Variants in JAM3 observed in about 807,000 individuals in gnomAD.
JAM3 encodes the protein junctional adhesion molecule C.
JAM3 carries 31 observed loss-of-function variants against 39.4 expected under a neutral mutation model. The observed-to-expected ratio is 0.79, with a 90% CI of 0.59 to 1.06. The LOEUF (loss-of-function observed/expected upper bound fraction) is 1.06. Ranked by LOEUF, JAM3 falls within the 50% of genes least tolerant of loss-of-function variation. JAM3 has a pLI of 0.00. For missense variants in JAM3, 455 were observed against 391.4 expected (o/e 1.16, Z -1.37); for synonymous variants, 182 against 148.7 (o/e 1.22, Z -1.63).
intron 6 of JAM3, among the ~76,000 whole-genome samples, chr11:134,147,646 T>C (rs1591810008): frequency 6.6e-6 from 1 of 151,488 alleles, no homozygotes; most frequent in Non-Finnish European, 1.5e-5. Flanking sequence ...GCCAACACGC[T>C]CAGCCAATTT....
intron 1 of JAM3, among the ~76,000 whole-genome samples, chr11:134,108,150 ATAT>A (rs1242157995): frequency 2.0e-5 from 3 of 152,134 alleles, no homozygotes; most frequent in African/African-American, 4.8e-5. Context: ...TGATAAGAAA[ATAT>A]TATGAACAAC....
chr11:134,131,995 G>A (rs917883829), intron 1 of JAM3, among the ~76,000 whole-genome samples: 2 of 152,058 alleles, frequency 1.3e-5, no homozygotes, highest in African/African-American at 4.8e-5. Context: ...TTTTAGAAGG[G>A]GGAGAAATAC....
chr11:134,144,245 C>A lies in JAM3; in HGVS notation c.261C>A (p.Asp87Glu). The change falls in exon 4 of 9, where the codon GAC becomes GAA. Residue 87 changes from aspartate to glutamate, a missense_variant. By Grantham distance (45) the Asp-to-Glu change is conservative (BLOSUM62 2). Coordinates refer to ENST00000299106, the MANE Select transcript of JAM3 (RefSeq NM_032801.5). ...TGCCTCGTGTCTTTTCTGTAGGAGA[C>A]TTGGCGGGTCGTGCAGAAATACTGG... The part of the protein sequence containing the change: ...YVFFDNKIQG[D>E]LAGRAEILGK... The A allele has an allele frequency of 6.2e-7, 1 of 1,614,130 alleles. No homozygotes were observed.
intron 1 of JAM3, among the ~76,000 whole-genome samples, chr11:134,095,175 T>C (rs1347240057): frequency 4.6e-5 from 7 of 152,228 alleles, no homozygotes; most frequent in African/African-American, 1.7e-4. Context: ...TAAACCAGCA[T>C]TGTTTCCCCA....
chr11:134,094,723 C>G (rs771145291), intron 1 of JAM3, among the ~76,000 whole-genome samples: 1 of 152,178 alleles, frequency 6.6e-6, no homozygotes, highest in Non-Finnish European at 1.5e-5. Context: ...TTTCGTGGCC[C>G]CTATACTTTT....
At chr11:134,069,191 T>A in intron 1 of JAM3, 32 bp downstream of exon 1, 5 of 1,608,778 alleles carry the variant, frequency 3.1e-6, no homozygotes, top group Non-Finnish European at 4.2e-6. Flanking sequence ...GTTGGGAGAC[T>A]AGGGTCTGGG....
chr11:134,130,572 T>C (rs888630678), intron 1 of JAM3, among the ~76,000 whole-genome samples: 1 of 152,208 alleles, frequency 6.6e-6, no homozygotes, highest in Non-Finnish European at 1.5e-5. Flanking sequence ...ACCGACGTTG[T>C]AGAAGCTCTG....
intron 2 of JAM3, 86 bp downstream of exon 2, chr11:134,140,002 C>A: frequency 2.8e-6 from 3 of 1,062,262 alleles, no homozygotes; most frequent in Non-Finnish European, 4.3e-6. Flanking sequence ...ACATCTGTCT[C>A]TGTAAGTGTG....
At chr11:134,113,840 C>T (rs1319940744) in intron 1 of JAM3, among the ~76,000 whole-genome samples, 1 of 152,206 alleles carries the variant, frequency 6.6e-6, no homozygotes, top group East Asian at 1.9e-4. Context: ...TTCTCCACAT[C>T]CTCTCCAGCA....
intron 1 of JAM3, among the ~76,000 whole-genome samples, chr11:134,079,584 C>G (rs955198374): frequency 2.0e-5 from 3 of 152,090 alleles, no homozygotes; most frequent in African/African-American, 7.2e-5. Context: ...GATTCATTTC[C>G]TAGCTTTGCA....
chr11:134,115,228 T>C (rs959856790), intron 1 of JAM3, among the ~76,000 whole-genome samples: 2 of 152,222 alleles, frequency 1.3e-5, no homozygotes, highest in South Asian at 4.1e-4. Flanking sequence ...GTTAACTTAG[T>C]ATATCTTTTT....
At chr11:134,142,406 T>TG (rs1942992220) in intron 3 of JAM3, among the ~76,000 whole-genome samples, 1 of 152,200 alleles carries the variant, frequency 6.6e-6, no homozygotes, top group Non-Finnish European at 1.5e-5. Context: ...AAAATGTTGT[T>TG]GCCAACGTCT....
chr11:134,096,459 T>C (rs1294589570), intron 1 of JAM3, among the ~76,000 whole-genome samples: 1 of 152,252 alleles, frequency 6.6e-6, no homozygotes, highest in African/African-American at 2.4e-5. Context: ...ATGTTCTTTC[T>C]TTCACTTTAT....
At chr11:134,136,529 T>G (rs748481824) in intron 1 of JAM3, among the ~76,000 whole-genome samples, 12 of 152,184 alleles carry the variant, frequency 7.9e-5, no homozygotes, top group Non-Finnish European at 1.0e-4. Context: ...ATTAGTAAAT[T>G]TAAGGATTAT....
chr11:134,140,468 T>G (rs921383894), intron 2 of JAM3, among the ~76,000 whole-genome samples, 189 bp from the exon 3 acceptor site: 2 of 152,136 alleles, frequency 1.3e-5, no homozygotes, highest in Non-Finnish European at 2.9e-5. Flanking sequence ...TGTAGTAAAA[T>G]CCTTGCTAAT....
At chr11:134,089,231 A>T (rs1267339413) in intron 1 of JAM3, among the ~76,000 whole-genome samples, 2 of 152,208 alleles carry the variant, frequency 1.3e-5, no homozygotes, top group Non-Finnish European at 2.9e-5. Flanking sequence ...TTCTGCACAC[A>T]TACTAAGCAG....
intron 1 of JAM3, among the ~76,000 whole-genome samples, chr11:134,075,355 G>A (rs542070966): frequency 7.7e-4 from 117 of 152,268 alleles, no homozygotes; most frequent in African/African-American, 2.6e-3. Flanking sequence ...ATGGGAAAGT[G>A]GAGGAAATAA....
At chr11:134,119,837 CTTGG>C (rs1397227870) in intron 1 of JAM3, among the ~76,000 whole-genome samples, 3 of 152,298 alleles carry the variant, frequency 2.0e-5, no homozygotes, top group African/African-American at 7.2e-5. Context: ...TTCCATGATA[CTTGG>C]TTGGGTCTTT....
At chr11:134,085,865 A>G (rs988211290) in intron 1 of JAM3, among the ~76,000 whole-genome samples, 1 of 152,208 alleles carries the variant, frequency 6.6e-6, no homozygotes, top group Non-Finnish European at 1.5e-5. Context: ...GGAGTGGGGC[A>G]GGTACTTCAC....
Sources: allele counts gnomAD v4.1 joint callset (sites outside exome capture counted in the v4.1 genomes callset), GRCh38; gene constraint gnomAD v4.1.1; transcripts MANE v1.5; gene names NCBI Gene and HGNC (gene_info 2026-07-23, HGNC 2026-07-21).